The following CFHR4 variants were observed in gnomAD, a reference collection of about 807,000 sequenced individuals.
The protein encoded by CFHR4 is complement factor H-related protein 4.
Under a neutral mutation model 69.3 loss-of-function variants are expected in CFHR4, and 64 were observed. That is an observed-to-expected ratio of 0.92 (90% CI 0.76 to 1.14). The LOEUF (loss-of-function observed/expected upper bound fraction) is 1.14. CFHR4 is among the 50% of genes most tolerant of loss of function. CFHR4 has a pLI of 0.00. For missense variants in CFHR4, 636 were observed against 684.9 expected (o/e 0.93, Z 0.80); for synonymous variants, 244 against 237.0 (o/e 1.03, Z -0.27).
At chr1:196,913,135 A>C (rs1658374503) in intron 7 of CFHR4, among the ~76,000 whole-genome samples, 1 of 151,578 alleles carries the variant, frequency 6.6e-6, no homozygotes, top group Admixed American at 6.6e-5. Flanking sequence ...CTTACAACTC[A>C]ATCTGCCTTT....
intron 1 of CFHR4, among the ~76,000 whole-genome samples, chr1:196,901,948 G>A (rs1400264754): frequency 6.6e-6 from 1 of 151,384 alleles, no homozygotes. Flanking sequence ...ATTTTGTTGT[G>A]TGATGTGATC....
rs1159345193 is a variant in CFHR4, at chr1:196,905,435, A to G, written c.439+145A>G. The G allele has an allele frequency of 8.1e-6, 10 of 1,233,314 alleles. No individual in the cohort carries two copies. The East Asian group carries it at 2.1e-4, about 26-fold the overall frequency. The allele number at this position is 1,233,314 out of a possible 1,614,324, so 76.4% of individuals were successfully genotyped here. On this transcript the variant is annotated intron_variant, in intron 3 of 9. Transcript: ENST00000608469. The stretch of plus-strand genomic sequence containing the variant: ...TAACATCATCTAACATTCTGTGCCA[A>G]ACTAAGTCTTTTTTGCCTTTTTAGA...
chr1:196,892,581 T>A (rs1452669634), intron 1 of CFHR4, among the ~76,000 whole-genome samples: 1 of 151,360 alleles, frequency 6.6e-6, no homozygotes, highest in East Asian at 1.9e-4. Context: ...GGGCATGGGT[T>A]ATTTTTGCAG....
At position 196,912,947 on chromosome 1, in the gene CFHR4, C is replaced by A. The variant is rs969014740; in HGVS notation, c.1180+25C>A. The A allele has an allele frequency of 1.9e-6, 3 of 1,610,530 alleles. No individual in the cohort carries two copies. The African/African-American group carries it at 4.0e-5, about 22-fold the overall frequency. Reference sequence around the variant, plus strand: ...AGTAAGTGATTTACATATTCCCATTCAGTTTCTGTCAACTTCGTTCCTCTC... The same window carrying A: ...AGTAAGTGATTTACATATTCCCATTAAGTTTCTGTCAACTTCGTTCCTCTC... On this transcript the variant is annotated intron_variant, in intron 7 of 9. Transcript: ENST00000608469.
At position 196,902,699 on chromosome 1, in the gene CFHR4, A is replaced by G. The variant is rs542483782; in HGVS notation, c.256+84A>G. On this transcript the variant is annotated intron_variant, in intron 2 of 9. Coordinates refer to ENST00000608469, the MANE Select transcript of CFHR4 (RefSeq NM_001201550.3). ...CAAATAAATGATTATATTGTCTTAT[A>G]TAACAGAAATAGGACCAAAGGAAGA... 3.9e-4 allele frequency: 399 copies of G among 1,027,294 alleles called. 10 individuals are homozygous for G. The African/African-American group carries it at 5.6e-3, about 14-fold the overall frequency. 63.6% of individuals were successfully genotyped at this position (1,027,294 alleles called of 1,614,324 possible).
chr1:196,907,168 A>T lies in CFHR4; in HGVS notation c.616+131A>T, dbSNP rs2124958360. 3.4e-6 allele frequency: 4 copies of T among 1,189,946 alleles called. No individual in the cohort carries two copies. The South Asian group carries it at 5.6e-5, about 17-fold the overall frequency. 73.7% of individuals were successfully genotyped at this position (1,189,946 alleles called of 1,614,324 possible). Reference sequence around the variant, plus strand: ...TGTAGTCCTCATTTGAGTGTGAATTACCTTGAAACTTAAAAAAAAAGGTTG... The same window carrying T: ...TGTAGTCCTCATTTGAGTGTGAATTTCCTTGAAACTTAAAAAAAAAGGTTG... On this transcript the variant is annotated intron_variant, in intron 4 of 9. Transcript: ENST00000608469.
At chr1:196,907,202 A>G in intron 4 of CFHR4, 114 bp from the exon 5 acceptor site, 1 of 1,224,684 alleles carries the variant, frequency 8.2e-7, no homozygotes. Flanking sequence ...TGAAAATACA[A>G]ATGTCTTCCT....
intron 7 of CFHR4, 99 bp downstream of exon 7, chr1:196,913,021 G>T: frequency 6.3e-7 from 1 of 1,583,836 alleles, no homozygotes; most frequent in South Asian, 1.1e-5. Flanking sequence ...ACTTTTAGGA[G>T]TAAAGAGATA....
At chr1:196,888,370 A>T (rs575215054) in intron 1 of CFHR4, among the ~76,000 whole-genome samples, 162 bp downstream of exon 1, 18 of 150,414 alleles carry the variant, frequency 1.2e-4, no homozygotes, top group Non-Finnish European at 2.1e-4. Context: ...AATTAATTTT[A>T]TGAAAAAATA....
intron 3 of CFHR4, among the ~76,000 whole-genome samples, chr1:196,905,600 T>G (rs939270227): frequency 5.3e-5 from 8 of 151,556 alleles, no homozygotes; most frequent in African/African-American, 1.9e-4. Flanking sequence ...CAATAAAAAC[T>G]TTGTTCTTTT....
chr1:196,897,934 A>C (rs76542692), intron 1 of CFHR4, among the ~76,000 whole-genome samples: 21,882 of 151,204 alleles, frequency 0.14, 2,007 homozygotes, highest in Middle Eastern at 0.3. Flanking sequence ...ACTCTCACTA[A>C]ATCAACCAGA....
At chr1:196,901,460 T>C (rs995929932) in intron 1 of CFHR4, among the ~76,000 whole-genome samples, 1 of 151,264 alleles carries the variant, frequency 6.6e-6, no homozygotes, top group Non-Finnish European at 1.5e-5. Flanking sequence ...AATAAACCAG[T>C]GGACTAAAGA....
In CFHR4 at chr1:196,907,432, G is replaced by A. The variant is rs1216991954; in HGVS notation, c.733G>A (p.Glu245Lys). The A allele has an allele frequency of 6.2e-7, 1 of 1,612,048 alleles. No individual in the cohort carries two copies. The highest frequency in any genetic ancestry group is 8.5e-7 in the Non-Finnish European group (1 of 1,179,184). Residue 245 changes from glutamate (E) to lysine (K), a missense_variant, in exon 5 of 10, where the codon GAA (glutamate) becomes AAA (lysine). Transcript: ENST00000608469. ...CGAGTACCAGTGCCAGTCCTACTAT[G>A]AACTTCAGGGTTCTAAATATGTAAC... ...RVEYQCQSYY[E>K]LQGSKYVTCS...
chr1:196,902,742 A>G, intron 2 of CFHR4, 127 bp downstream of exon 2: 2 of 651,956 alleles, frequency 3.1e-6, no homozygotes, highest in Non-Finnish European at 5.1e-6. Flanking sequence ...AAGCAAAAAG[A>G]CCAAAATGGA....
At chr1:196,904,521 T>A (rs1311386367) in intron 2 of CFHR4, among the ~76,000 whole-genome samples, 1 of 151,546 alleles carries the variant, frequency 6.6e-6, no homozygotes, top group African/African-American at 2.4e-5. Flanking sequence ...ATTGATAATA[T>A]ATAAAGAACA....
intron 2 of CFHR4, among the ~76,000 whole-genome samples, chr1:196,902,942 T>C (rs987173945): frequency 1.3e-5 from 2 of 151,616 alleles, no homozygotes; most frequent in African/African-American, 4.9e-5. Flanking sequence ...ATTTTCAGTA[T>C]TGATGCAGTC....
chr1:196,907,994 T>C (rs1316536376), intron 5 of CFHR4, among the ~76,000 whole-genome samples: 1 of 151,266 alleles, frequency 6.6e-6, no homozygotes, highest in Non-Finnish European at 1.5e-5. Flanking sequence ...GATACGTTCA[T>C]GTCCATGTCA....
At chr1:196,889,623 A>G (rs1167775795) in intron 1 of CFHR4, among the ~76,000 whole-genome samples, 1 of 151,616 alleles carries the variant, frequency 6.6e-6, no homozygotes, top group Non-Finnish European at 1.5e-5. Context: ...TATATTTCTC[A>G]AAGGAGAAAG....
intron 1 of CFHR4, among the ~76,000 whole-genome samples, chr1:196,897,134 C>G (rs899954445): frequency 2.0e-5 from 3 of 151,506 alleles, no homozygotes; most frequent in African/African-American, 7.3e-5. Flanking sequence ...GTGAAAGCAC[C>G]TTTGTCTTTC....
Sources: gnomAD v4.1 joint callset for allele counts (sites outside exome capture counted in the v4.1 genomes callset) on GRCh38, gnomAD v4.1.1 for gene constraint, MANE v1.5 for transcripts, NCBI Gene and HGNC (gene_info 2026-07-23, HGNC 2026-07-21) for gene names.